CCSER1: variants seen among roughly 807,000 people sequenced by gnomAD.
The protein encoded by CCSER1 is serine-rich coiled-coil domain-containing protein 1.
CCSER1 carries 41 observed loss-of-function variants against 82.0 expected under a neutral mutation model. That is an observed-to-expected ratio of 0.50 (90% CI 0.39 to 0.65). The LOEUF (loss-of-function observed/expected upper bound fraction) is 0.65. CCSER1 is among the 30% of genes least tolerant of loss of function. The pLI is 0.00. For missense variants in CCSER1, 1,119 were observed against 1,064.2 expected, an observed-to-expected ratio of 1.05 and a Z score of -0.72; for synonymous variants, 414 against 383.9, an observed-to-expected ratio of 1.08 and a Z score of -0.92.
chr4:90,963,606 A>C (rs1455932813), intron 9 of CCSER1, among the ~76,000 whole-genome samples: 1 of 152,120 alleles, frequency 6.6e-6, no homozygotes, highest in African/African-American at 2.4e-5. Flanking sequence ...ACATGCACCG[A>C]GAAAAGGCCA....
intron 10 of CCSER1, among the ~76,000 whole-genome samples, chr4:91,540,506 C>T (rs570194184): frequency 6.6e-6 from 1 of 152,006 alleles, no homozygotes; most frequent in Non-Finnish European, 1.5e-5. Flanking sequence ...TGTGAGGCTT[C>T]TCTTTTATTC....
At chr4:90,925,766 A>G (rs1336152644) in intron 9 of CCSER1, among the ~76,000 whole-genome samples, 1 of 152,174 alleles carries the variant, frequency 6.6e-6, no homozygotes, top group South Asian at 2.1e-4. Context: ...CTTGTTTCGT[A>G]TGTTACAGTG....
At chr4:91,342,596 G>A (rs1408817778) in intron 10 of CCSER1, among the ~76,000 whole-genome samples, 1 of 152,022 alleles carries the variant, frequency 6.6e-6, no homozygotes, top group Non-Finnish European at 1.5e-5. Context: ...TAAAAACAAA[G>A]TAAAACAAAA....
At chr4:90,457,491 A>G (rs1762339561) in intron 4 of CCSER1, among the ~76,000 whole-genome samples, 1 of 152,142 alleles carries the variant, frequency 6.6e-6, no homozygotes, top group Admixed American at 6.5e-5. Flanking sequence ...GAGGTGTTTT[A>G]TTGAGCTACA....
intron 5 of CCSER1, among the ~76,000 whole-genome samples, chr4:90,618,883 G>A (rs1721788322): frequency 6.6e-6 from 1 of 151,576 alleles, no homozygotes; most frequent in Non-Finnish European, 1.5e-5. Flanking sequence ...AATGAATAAT[G>A]AATTATCTTA....
chr4:91,065,312 A>G (rs1720690930), intron 9 of CCSER1, among the ~76,000 whole-genome samples: 1 of 152,190 alleles, frequency 6.6e-6, no homozygotes, highest in African/African-American at 2.4e-5. Flanking sequence ...AGCTATGAAT[A>G]TAGAAAATAT....
At chr4:91,198,975 C>T (rs1735684353) in intron 10 of CCSER1, among the ~76,000 whole-genome samples, 1 of 152,134 alleles carries the variant, frequency 6.6e-6, no homozygotes, top group African/African-American at 2.4e-5. Flanking sequence ...TTCATACACA[C>T]TCTTCCCTCC....
At chr4:90,941,994 G>C (rs1265732367) in intron 9 of CCSER1, among the ~76,000 whole-genome samples, 3 of 151,826 alleles carry the variant, frequency 2.0e-5, no homozygotes, top group Non-Finnish European at 1.5e-5. Context: ...TCTCTCCCAG[G>C]CTGCAGTGCA....
intron 10 of CCSER1, among the ~76,000 whole-genome samples, chr4:91,090,309 C>T (rs1024607564): frequency 1.3e-5 from 2 of 152,144 alleles, no homozygotes; most frequent in Non-Finnish European, 2.9e-5. Flanking sequence ...TTAGCATAGG[C>T]TCTATGTCCA....
intron 8 of CCSER1, chr4:90,839,007 C>T: frequency 1.9e-6 from 3 of 1,612,610 alleles, no homozygotes; most frequent in South Asian, 1.1e-5. Context: ...TCGAATTTCT[C>T]GATCTCAGCC....
intron 10 of CCSER1, among the ~76,000 whole-genome samples, chr4:91,214,765 C>A (rs5011408): frequency 6.6e-6 from 1 of 152,026 alleles, no homozygotes; most frequent in South Asian, 2.1e-4. Flanking sequence ...CTTGCTATAA[C>A]AAGGGCTTAT....
intron 10 of CCSER1, among the ~76,000 whole-genome samples, chr4:91,180,006 GTT>G (rs1413518102): frequency 2.0e-5 from 3 of 152,224 alleles, no homozygotes; most frequent in Non-Finnish European, 4.4e-5. Context: ...TGTCCTTTCT[GTT>G]TATTAGTTTT....
intron 9 of CCSER1, among the ~76,000 whole-genome samples, chr4:91,082,451 A>G (rs1176319550): frequency 6.6e-6 from 1 of 152,250 alleles, no homozygotes; most frequent in Non-Finnish European, 1.5e-5. Context: ...TAAAACCATT[A>G]AAACCCTAGA....
intron 1 of CCSER1, among the ~76,000 whole-genome samples, chr4:90,154,359 C>T (rs893957468): frequency 9.2e-5 from 14 of 152,084 alleles, no homozygotes; most frequent in African/African-American, 2.7e-4. Flanking sequence ...CGTGGCGATG[C>T]GGGCTCTTTT....
At chr4:91,324,773 C>T (rs921081715) in intron 10 of CCSER1, among the ~76,000 whole-genome samples, 10 of 152,090 alleles carry the variant, frequency 6.6e-5, no homozygotes, top group African/African-American at 1.9e-4. Flanking sequence ...AGCAAGGTGC[C>T]GGACTTTTTC....
intron 10 of CCSER1, among the ~76,000 whole-genome samples, chr4:91,529,657 A>G (rs892184690): frequency 2.6e-5 from 4 of 152,060 alleles, no homozygotes; most frequent in Admixed American, 2.6e-4. Context: ...ACTACCTTTT[A>G]TGGCAAGCTA....
chr4:90,700,932 T>C (rs1174006591), intron 6 of CCSER1, among the ~76,000 whole-genome samples: 3 of 152,150 alleles, frequency 2.0e-5, no homozygotes, highest in Non-Finnish European at 4.4e-5. Flanking sequence ...ATTCTGTAGG[T>C]TGCCTGTTCA....
intron 1 of CCSER1, among the ~76,000 whole-genome samples, chr4:90,135,885 A>C (rs1404478231): frequency 1.3e-5 from 2 of 152,240 alleles, no homozygotes; most frequent in African/African-American, 4.8e-5. Flanking sequence ...TATGGTGTTT[A>C]CTGAACAGCT....
intron 5 of CCSER1, among the ~76,000 whole-genome samples, chr4:90,501,119 T>C (rs2153611801): frequency 6.6e-6 from 1 of 152,242 alleles, no homozygotes; most frequent in African/African-American, 2.4e-5. Context: ...GACATATCGA[T>C]GAGGAATTTA....
Sources: allele counts gnomAD v4.1 joint callset (sites outside exome capture counted in the v4.1 genomes callset), GRCh38; gene constraint gnomAD v4.1.1; transcripts MANE v1.5; gene names NCBI Gene and HGNC (gene_info 2026-07-23, HGNC 2026-07-21).